The following GAB2 variants were observed in gnomAD, a reference collection of about 807,000 sequenced individuals.
GAB2 encodes the protein GRB2-associated-binding protein 2.
A neutral mutation model predicts 65.5 loss-of-function variants in GAB2; 26 were observed. The observed-to-expected ratio is 0.40, with a 90% CI of 0.29 to 0.55. GAB2 has a LOEUF of 0.55. GAB2 is among the 20% of genes least tolerant of loss of function. The pLI is 0.53. For missense variants in GAB2, 884 were observed against 875.8 expected (o/e 1.01, Z -0.12); for synonymous variants, 321 against 329.6 (o/e 0.97, Z 0.28).
chr11:78,415,380 G>C (rs1279898345), intron 1 of GAB2, among the ~76,000 whole-genome samples: 1 of 152,158 alleles, frequency 6.6e-6, no homozygotes, highest in Non-Finnish European at 1.5e-5. Flanking sequence ...TCCAAGCTTG[G>C]TTCTAATGAA....
chr11:78,228,444 C>T (rs1864750793), intron 3 of GAB2, among the ~76,000 whole-genome samples: 1 of 152,158 alleles, frequency 6.6e-6, no homozygotes, highest in South Asian at 2.1e-4. Flanking sequence ...AGGCAAATCT[C>T]GTATACATAT....
At position 78,216,743 on chromosome 11, in the gene GAB2, G is replaced by C. The variant is rs1864168219; in HGVS notation, c.*2529C>G. Reference sequence around the variant, plus strand: ...GAACATGCTCACATGTTTATGGGAGGCTGCAATAGTCTGGGCCCACTTGTG... The same window carrying C: ...GAACATGCTCACATGTTTATGGGAGCCTGCAATAGTCTGGGCCCACTTGTG... On this transcript the variant is annotated 3_prime_UTR_variant, in exon 10 of 10. Coordinates refer to ENST00000361507, the MANE Select transcript of GAB2 (RefSeq NM_080491.3). The C allele has an allele frequency of 6.6e-6, 1 of 152,274 alleles. No homozygotes were observed. Among genetic ancestry groups the C allele is most frequent in the Admixed American group, 6.5e-5 (1 of 15,276 alleles). The allele number at this position is 152,274 out of a possible 1,614,324, so 9.4% of individuals were successfully genotyped here.
chr11:78,234,663 T>C (rs1014761389), intron 3 of GAB2, among the ~76,000 whole-genome samples: 2 of 150,846 alleles, frequency 1.3e-5, no homozygotes, highest in Non-Finnish European at 3.0e-5. Context: ...TATATTTCTC[T>C]CCTGGACTTG....
intron 1 of GAB2, among the ~76,000 whole-genome samples, chr11:78,314,705 T>C (rs779278407): frequency 6.6e-6 from 1 of 152,212 alleles, no homozygotes; most frequent in Non-Finnish European, 1.5e-5. Context: ...CCAGGTCACA[T>C]GCTTACTTTA....
intron 1 of GAB2, among the ~76,000 whole-genome samples, chr11:78,401,537 T>TGA (rs1347264049): frequency 6.6e-6 from 1 of 151,382 alleles, no homozygotes; most frequent in Non-Finnish European, 1.5e-5. Flanking sequence ...TGTGTGTGTG[T>TGA]GTGTGTGTGT....
intron 1 of GAB2, among the ~76,000 whole-genome samples, chr11:78,325,144 G>A (rs866735959): frequency 6.6e-6 from 1 of 152,158 alleles, no homozygotes; most frequent in Non-Finnish European, 1.5e-5. Flanking sequence ...TATCTTGTTT[G>A]TCAAGTCCCA....
rs557347951 is a variant in GAB2, at chr11:78,347,387, A to T, written c.76-66486T>A. 4.6e-5 allele frequency among the ~76,000 whole-genome samples: 7 copies of T among 152,286 alleles called. No individual in the cohort carries two copies. The South Asian group carries it at 1.2e-3, about 27-fold the overall frequency. On this transcript the variant is annotated intron_variant, in intron 1 of 9. Coordinates refer to ENST00000361507, the MANE Select transcript of GAB2 (RefSeq NM_080491.3). ...TTATATGGGTCCAAACTGACATTGA[A>T]AACAATGCCAACATAATAAGGTAGA... is the stretch of plus-strand genomic sequence containing the variant.
chr11:78,370,727 G>A (rs981811656), intron 1 of GAB2, among the ~76,000 whole-genome samples: 1 of 142,980 alleles, frequency 7.0e-6, no homozygotes. Flanking sequence ...GTGTGTGTAT[G>A]TGTGTGTGTG....
rs76353781 is a variant in GAB2 at position 78,278,900 on chromosome 11, C to T, written c.376+1701G>A. Among the ~76,000 whole-genome samples the T allele has an allele frequency of 8.6e-5, 13 of 152,036 alleles. No individual in the cohort carries two copies. In the East Asian group the frequency reaches 2.3e-3, roughly 27 times the overall value. Reference sequence around the variant, plus strand: ...TGCCCAGCTAATTTTTATTTTTTATCGAAATAAAAATGTTACAGTGAACCA... The same window carrying T: ...TGCCCAGCTAATTTTTATTTTTTATTGAAATAAAAATGTTACAGTGAACCA... On this transcript the variant is annotated intron_variant, in intron 2 of 9. Coordinates refer to ENST00000361507, the MANE Select transcript of GAB2 (RefSeq NM_080491.3).
intron 2 of GAB2, among the ~76,000 whole-genome samples, chr11:78,277,803 A>G (rs1866216012): frequency 6.6e-6 from 1 of 152,222 alleles, no homozygotes; most frequent in Non-Finnish European, 1.5e-5. Context: ...CAAACAGTGC[A>G]CTGAAATCTC....
intron 1 of GAB2, among the ~76,000 whole-genome samples, chr11:78,344,175 G>A (rs1436544470): frequency 6.6e-6 from 1 of 152,212 alleles, no homozygotes; most frequent in Non-Finnish European, 1.5e-5. Flanking sequence ...CATGGCATGT[G>A]AGAAAGATTT....
chr11:78,263,450 G>A (rs1017734574), intron 2 of GAB2, among the ~76,000 whole-genome samples: 12 of 151,934 alleles, frequency 7.9e-5, no homozygotes, highest in African/African-American at 2.4e-4. Flanking sequence ...TGGCTAACAC[G>A]GTGAAACCCC....
intron 1 of GAB2, among the ~76,000 whole-genome samples, chr11:78,355,827 T>C (rs539479956): frequency 6.6e-6 from 1 of 151,866 alleles, no homozygotes; most frequent in Admixed American, 6.6e-5. Context: ...AAACTCCTTA[T>C]AGGACCCTGG....
At chr11:78,402,753 G>A (rs1856991030) in intron 1 of GAB2, among the ~76,000 whole-genome samples, 1 of 152,092 alleles carries the variant, frequency 6.6e-6, no homozygotes, top group South Asian at 2.1e-4. Flanking sequence ...GCCCGGCCAT[G>A]AGCAGACTTT....
At chr11:78,229,182 G>C (rs1358456392) in intron 3 of GAB2, among the ~76,000 whole-genome samples, 1 of 152,196 alleles carries the variant, frequency 6.6e-6, no homozygotes, top group African/African-American at 2.4e-5. Context: ...CTCCTTCAGA[G>C]ATGTTTTATC....
chr11:78,215,739 C>T lies in GAB2; in HGVS notation c.*3533G>A, dbSNP rs917030170. The stretch of plus-strand genomic sequence containing the variant: ...AGGTACCCCATTGTGGTCCCAGGTC[C>T]TAAACAGCAGGGCTAGTCCCAGAAA... On this transcript the variant is annotated 3_prime_UTR_variant, in exon 10 of 10. Coordinates refer to ENST00000361507, the MANE Select transcript of GAB2 (RefSeq NM_080491.3). 6 of 151,956 alleles carry T rather than the reference C, an allele frequency of 3.9e-5. No homozygotes were observed. Among genetic ancestry groups the T allele is most frequent in the South Asian group, 2.1e-4 (1 of 4,796 alleles). The allele number at this position is 151,956 out of a possible 1,614,324, so 9.4% of individuals were successfully genotyped here.
At chr11:78,222,245 C>CA (rs755311977) in intron 6 of GAB2, 50 bp from the exon 7 acceptor site, 21 of 1,119,980 alleles carry the variant, frequency 1.9e-5, no homozygotes, top group Non-Finnish European at 2.7e-5. Flanking sequence ...GATAATGCTA[C>CA]ACATACACAC....
At chr11:78,264,781 T>C (rs1301047473) in intron 2 of GAB2, among the ~76,000 whole-genome samples, 2 of 152,236 alleles carry the variant, frequency 1.3e-5, no homozygotes, top group African/African-American at 4.8e-5. Flanking sequence ...GCAAGATTTA[T>C]TATTTGATAA....
chr11:78,251,925 C>A (rs2134526319), intron 2 of GAB2, among the ~76,000 whole-genome samples: 1 of 152,344 alleles, frequency 6.6e-6, no homozygotes, highest in African/African-American at 2.4e-5. Context: ...TGTCTGCGGA[C>A]TAAGCAAACA....
Sources: gnomAD v4.1 joint callset for allele counts (sites outside exome capture counted in the v4.1 genomes callset) on GRCh38, gnomAD v4.1.1 for gene constraint, MANE v1.5 for transcripts, NCBI Gene and HGNC (gene_info 2026-07-23, HGNC 2026-07-21) for gene names.